The following DNASE1 variants were observed in gnomAD, a reference collection of about 807,000 sequenced individuals.
DNASE1 encodes the protein deoxyribonuclease 1.
In DNASE1, 40 loss-of-function variants were observed where a neutral mutation model predicts 33.9. The ratio of observed to expected loss-of-function variants is 1.18; its 90% CI spans 0.92 to 1.54. The LOEUF is 1.54. Among genes scored for constraint, DNASE1 ranks in the 40% most tolerant of loss-of-function variants. The pLI is 0.00. For synonymous variants in DNASE1, 216 were observed against 160.0 expected, an observed-to-expected ratio of 1.35 and a Z score of -2.64; for missense variants, 518 against 372.6, an observed-to-expected ratio of 1.39 and a Z score of -3.21.
upstream of DNASE1, chr16:3,641,295 T>G (rs2042015640): frequency 5.1e-6 from 1 of 194,952 alleles, no homozygotes; most frequent in Non-Finnish European, 1.0e-5. Context: ...CCCAGAGCCC[T>G]GCGATTCCTG....
chr16:3,654,683 T>TATC (rs1275929084), upstream of DNASE1: 4 of 399,316 alleles, frequency 1.0e-5, no homozygotes, highest in African/African-American at 8.2e-5. Context: ...CAAACGTGAT[T>TATC]ATCAGGTGCA....
chr16:3,658,091 T>TGTCA lies in DNASE1; in HGVS notation c.*139_*142dup, dbSNP rs781538237. On this transcript the variant is annotated 3_prime_UTR_variant, in exon 9 of 9. Transcript: ENST00000246949. The stretch of plus-strand genomic sequence containing the variant: ...TAAATAAAGCTCAAGGAGGTGGGGC[T>TGTCA]GTCATCTGTGGTGTCAGTCCTTCTG... 11 of 1,610,998 alleles carry TGTCA rather than the reference T, an allele frequency of 6.8e-6. No individual in the cohort carries two copies. The highest frequency in any genetic ancestry group is 9.3e-6 in the Non-Finnish European group (11 of 1,177,394).
At chr16:3,646,544 G>A (rs2042177333) in intron 1 of DNASE1, among the ~76,000 whole-genome samples, 1 of 152,128 alleles carries the variant, frequency 6.6e-6, no homozygotes, top group African/African-American at 2.4e-5. Context: ...TGACATTTAA[G>A]CTGAAACTGG....
In DNASE1 at chr16:3,657,925, A is replaced by G. The variant is rs546285847; in HGVS notation, c.821A>G (p.His274Arg). The change falls in exon 9 of 9, where the codon CAC (histidine) becomes CGC (arginine). Residue 274 changes from histidine (H) to arginine (R), a missense_variant. Transcript: ENST00000246949. ...SDQLAQAISD[H>R]YPVEVMLK ...CTGCAGGCCCAAGCCATCAGTGACC[A>G]CTATCCAGTGGAGGTGATGCTGAAG... 25 of 1,613,136 alleles carry G rather than the reference A, an allele frequency of 1.5e-5. No individual in the cohort carries two copies. The African/African-American group carries it at 3.3e-4, about 22-fold the overall frequency.
downstream of DNASE1, chr16:3,658,756 C>T (rs941200615): frequency 5.0e-6 from 8 of 1,593,940 alleles, no homozygotes; most frequent in Non-Finnish European, 5.1e-6. Flanking sequence ...GGCTGGTAGC[C>T]TGGGTCCCTG....
At chr16:3,632,467 T>C (rs1281837384) in intron 1 of DNASE1, among the ~76,000 whole-genome samples, 2 of 152,220 alleles carry the variant, frequency 1.3e-5, no homozygotes, top group South Asian at 4.1e-4. Flanking sequence ...TAATGTCCTT[T>C]TTCTATCCCT....
At chr16:3,657,386 G>C (rs753382650) in intron 7 of DNASE1, 45 bp downstream of exon 7, 1 of 1,604,416 alleles carries the variant, frequency 6.2e-7, no homozygotes, top group South Asian at 1.1e-5. Flanking sequence ...GCACCTCCAA[G>C]GGCAGCCGTG....
chr16:3,656,750 A>G lies in DNASE1; in HGVS notation c.433A>G (p.Thr145Ala). 1.9e-6 allele frequency: 3 copies of G among 1,605,730 alleles called. No homozygotes were observed. The highest frequency in any genetic ancestry group is 2.6e-6 in the Non-Finnish European group (3 of 1,176,172). ...PAIVRFFSRF[T>A]EVREFAIVPL... ...CATTGTCAGGTTCTTCTCCCGGTTC[A>G]CAGGTGGGTGCTGCCTGGGCCAGGG... Residue 145 changes from threonine (T) to alanine (A), a missense_variant, in exon 5 of 9, where the codon ACA (threonine) becomes GCA (alanine). Transcript: ENST00000246949.
intron 1 of DNASE1, among the ~76,000 whole-genome samples, chr16:3,635,062 A>C (rs1016546218): frequency 4.0e-5 from 6 of 151,462 alleles, no homozygotes; most frequent in Non-Finnish European, 8.8e-5. Context: ...GACTAAAGCT[A>C]TCCTGCCTCA....
chr16:3,611,778 G>C (rs1465559815), exon 1 of DNASE1: 1 of 151,796 alleles, frequency 6.6e-6, no homozygotes, highest in African/African-American at 2.4e-5. Context: ...AGCGGCGCTT[G>C]CTTCAGGTGG....
At position 3,657,350 on chromosome 16, in the gene DNASE1, G is replaced by T; in HGVS notation, c.704+9G>T. The T allele has an allele frequency of 6.2e-7, 1 of 1,611,996 alleles. No homozygotes were observed. ...CACTGTGCCTATGACAGGTGAGCAG[G>T]GCCTCGCGCTTAGGGCAGACTGAGG... On this transcript the variant is annotated intron_variant, in intron 7 of 8. Coordinates refer to ENST00000246949, the MANE Select transcript of DNASE1 (RefSeq NM_005223.4).
At chr16:3,655,542 C>G in intron 2 of DNASE1, 22 bp downstream of exon 2, 1 of 1,613,884 alleles carries the variant, frequency 6.2e-7, no homozygotes, top group Non-Finnish European at 8.5e-7. Flanking sequence ...GCAGCCTCCC[C>G]CCAAAAGCAG....
intron 1 of DNASE1, among the ~76,000 whole-genome samples, chr16:3,628,319 T>G (rs1379530787): frequency 6.6e-6 from 1 of 152,184 alleles, no homozygotes; most frequent in African/African-American, 2.4e-5. Flanking sequence ...TCTGTTATTG[T>G]AATTATTTTT....
chr16:3,637,938 GC>G (rs1234628811), upstream of DNASE1, among the ~76,000 whole-genome samples: 2 of 152,176 alleles, frequency 1.3e-5, no homozygotes, highest in Admixed American at 6.5e-5. Context: ...GTTCTCTGAT[GC>G]AGCTAAAAGG....
upstream of DNASE1, among the ~76,000 whole-genome samples, chr16:3,649,976 C>T (rs1284166704): frequency 2.0e-5 from 3 of 151,898 alleles, no homozygotes; most frequent in Non-Finnish European, 2.9e-5. Flanking sequence ...CTAAGGTGGT[C>T]TTGTAAAATT....
intron 1 of DNASE1, among the ~76,000 whole-genome samples, chr16:3,615,147 T>C (rs971331167): frequency 1.3e-5 from 2 of 152,132 alleles, no homozygotes; most frequent in African/African-American, 4.8e-5. Flanking sequence ...CTTTTGAAAG[T>C]TTCACAGATG....
At chr16:3,622,238 G>A in intron 1 of DNASE1, among the ~76,000 whole-genome samples, 1 of 150,842 alleles carries the variant, frequency 6.6e-6, no homozygotes, top group East Asian at 1.9e-4. Flanking sequence ...AAAAACGGAG[G>A]CTGAATCAGT....
At chr16:3,633,871 C>T (rs1344931334) in intron 1 of DNASE1, among the ~76,000 whole-genome samples, 1 of 151,940 alleles carries the variant, frequency 6.6e-6, no homozygotes, top group African/African-American at 2.4e-5. Flanking sequence ...TGCGGTGGCT[C>T]GATCTCGGCT....
At chr16:3,664,274 C>T (rs988596100) in exon 10 of DNASE1, 1 of 1,588,902 alleles carries the variant, frequency 6.3e-7, no homozygotes, top group Non-Finnish European at 8.6e-7. Context: ...GCTCACCCAC[C>T]TCTGTGTCTT....
Sources: gnomAD v4.1 joint callset for allele counts (sites outside exome capture counted in the v4.1 genomes callset) on GRCh38, gnomAD v4.1.1 for gene constraint, MANE v1.5 for transcripts, NCBI Gene and HGNC (gene_info 2026-07-23, HGNC 2026-07-21) for gene names.